Variants in THSD7B observed in about 807,000 individuals in gnomAD.
THSD7B encodes thrombospondin type 1 domain containing 7B, also known as thrombospondin type-1 domain-containing protein 7B.
THSD7B carries 138 observed loss-of-function variants against 213.6 expected under a neutral mutation model. The ratio of observed to expected loss-of-function variants is 0.65; its 90% CI spans 0.56 to 0.74. The LOEUF is 0.74. Among genes scored for constraint, THSD7B ranks in the 30% least tolerant of loss-of-function variants. THSD7B has a pLI of 0.00. For missense variants in THSD7B, 1,931 were observed against 1,991.5 expected (o/e 0.97, Z 0.58); for synonymous variants, 742 against 687.0 (o/e 1.08, Z -1.25).
Position 137,487,819 on chromosome 2 carries a change from A to C in THSD7B, c.3138+36796A>C, listed in dbSNP as rs1688500252. Among the ~76,000 whole-genome samples the C allele has an allele frequency of 5.2e-5, 2 of 38,560 alleles. 1 individual carries two copies. The highest frequency in any genetic ancestry group is 1.1e-4 in the Non-Finnish European group (2 of 17,470). The allele number at this position is 38,560 out of a possible 152,430, so 25.3% of individuals were successfully genotyped here. A position where few individuals can be genotyped will look rare whatever the true frequency, so the allele number is the denominator to read the frequency against. ...CGCTCTGTCGCCCAGGCTGGAGTGC[A>C]GTGGCGGGATCTCGGCTCACTGCAA... On this transcript the variant is annotated intron_variant, in intron 15 of 27. Transcript: ENST00000409968.
chr2:136,848,872 T>C (rs1683051379), intron 1 of THSD7B, among the ~76,000 whole-genome samples: 1 of 148,222 alleles, frequency 6.7e-6, no homozygotes, highest in African/African-American at 2.5e-5. Context: ...CCTCTTTTAC[T>C]CCCTTCTCTC....
chr2:137,465,956 T>C lies in THSD7B; in HGVS notation c.3138+14933T>C, dbSNP rs565111677. Among the ~76,000 whole-genome samples, 37 of 152,228 alleles carry C rather than the reference T, an allele frequency of 2.4e-4. No individual in the cohort carries two copies. The South Asian group carries it at 4.4e-3, about 18-fold the overall frequency. On this transcript the variant is annotated intron_variant, in intron 15 of 27. Transcript: ENST00000409968. ...TCTGAATATGTGGAAAAATAAAATA[T>C]AAGGTATTTCATGTTCCCATGGTTT...
rs375931617 is a variant in THSD7B, at chr2:137,233,037, C to A, written c.2054C>A (p.Thr685Asn). The part of the protein sequence containing the change: ...EDTLVTALNA[T>N]IGWNGEATCG... ...ACATTGGTAACTGCCCTTAATGCAA[C>A]CATTGGCTGGAATGGAGAAGCCACG... The change falls in exon 9 of 28, where the codon ACC (threonine) becomes AAC (asparagine). Residue 685 changes from threonine to asparagine, a missense_variant. By Grantham distance (65) the Thr-to-Asn change is moderately conservative. Transcript: ENST00000409968. The A allele has an allele frequency of 6.2e-7, 1 of 1,613,776 alleles. No individual in the cohort carries two copies. The highest frequency in any genetic ancestry group is 8.5e-7 in the Non-Finnish European group (1 of 1,179,836).
chr2:137,179,348 G>A (rs1680412512), intron 7 of THSD7B, among the ~76,000 whole-genome samples: 1 of 152,036 alleles, frequency 6.6e-6, no homozygotes, highest in African/African-American at 2.4e-5. Flanking sequence ...TTTTAAAGTG[G>A]TATTTTGCTG....
intron 12 of THSD7B, among the ~76,000 whole-genome samples, chr2:137,377,512 T>G (rs113513005): frequency 2.6e-5 from 4 of 152,216 alleles, no homozygotes; most frequent in African/African-American, 9.6e-5. Flanking sequence ...AAGCTGCATC[T>G]AATTGACATT....
chr2:136,775,440 G>A (rs900528095), intron 1 of THSD7B, among the ~76,000 whole-genome samples: 4 of 152,102 alleles, frequency 2.6e-5, no homozygotes, highest in Non-Finnish European at 5.9e-5. Flanking sequence ...GTTTTCATCT[G>A]AAAGGAGTAA....
At chr2:137,049,796 A>G (rs1460661345) in intron 2 of THSD7B, among the ~76,000 whole-genome samples, 2 of 152,204 alleles carry the variant, frequency 1.3e-5, no homozygotes, top group African/African-American at 4.8e-5. Flanking sequence ...CAGAATTAAC[A>G]AGTGGAAATT....
chr2:136,775,704 T>C (rs1418349381), intron 1 of THSD7B, among the ~76,000 whole-genome samples: 8 of 152,034 alleles, frequency 5.3e-5, no homozygotes, highest in Non-Finnish European at 8.8e-5. Context: ...AGGAGGACCA[T>C]TTAATATTTG....
chr2:137,504,789 A>G (rs966340316), intron 15 of THSD7B, among the ~76,000 whole-genome samples: 2 of 152,186 alleles, frequency 1.3e-5, no homozygotes, highest in Admixed American at 6.5e-5. Flanking sequence ...CAGATCAGGA[A>G]AGCTGCCAAG....
intron 15 of THSD7B, among the ~76,000 whole-genome samples, chr2:137,558,855 C>G (rs531737477): frequency 6.6e-6 from 1 of 152,300 alleles, no homozygotes; most frequent in South Asian, 2.1e-4. Context: ...TGATAAGCAA[C>G]TCCAGCAAAG....
At chr2:137,141,877 A>G (rs976968719) in intron 5 of THSD7B, among the ~76,000 whole-genome samples, 1 of 152,040 alleles carries the variant, frequency 6.6e-6, no homozygotes, top group African/African-American at 2.4e-5. Flanking sequence ...TTTTGCTATC[A>G]CCCTTGTCTC....
chr2:136,840,373 C>G (rs920684917), intron 1 of THSD7B, among the ~76,000 whole-genome samples: 40 of 152,174 alleles, frequency 2.6e-4, no homozygotes, highest in African/African-American at 8.9e-4. Flanking sequence ...GAGCAAAACT[C>G]TGTCTCAAAA....
Position 137,546,465 on chromosome 2 carries a change from TA to T in THSD7B, c.3139-16755del, listed in dbSNP as rs1558834516. ...TATATTATATATATATTATATATAA[TA>T]TATATATATATAATATATATATATA... On this transcript the variant is annotated intron_variant, in intron 15 of 27. Coordinates refer to ENST00000409968, the MANE Select transcript of THSD7B (RefSeq NM_001316349.2). Among the ~76,000 whole-genome samples, 26 of 19,336 alleles carry T rather than the reference TA, an allele frequency of 1.3e-3. 5 individuals carry two copies. Among genetic ancestry groups the T allele is most frequent in the African/African-American group, 0.01 (26 of 2,488 alleles). 12.7% of individuals were successfully genotyped at this position (19,336 alleles called of 152,430 possible).
rs188331550 is a variant in THSD7B, at chr2:137,009,520, A to G, written c.140-46900A>G. On this transcript the variant is annotated intron_variant, in intron 2 of 27. Transcript: ENST00000409968. ...ACATACCCAAGACTGGGTAATTTATAAAGAAATAGAGGTTTAATGGACTTA... is the reference window on the plus strand; with the variant it reads ...ACATACCCAAGACTGGGTAATTTATGAAGAAATAGAGGTTTAATGGACTTA... 1.4e-3 allele frequency among the ~76,000 whole-genome samples: 217 copies of G among 152,264 alleles called. 3 individuals are homozygous for G. Among genetic ancestry groups the G allele is most frequent in the Admixed American group, 5.6e-3 (85 of 15,288 alleles).
intron 1 of THSD7B, among the ~76,000 whole-genome samples, chr2:136,843,366 T>C (rs1348058698): frequency 1.3e-5 from 2 of 152,236 alleles, no homozygotes; most frequent in African/African-American, 4.8e-5. Flanking sequence ...TATATTAACA[T>C]GCTTATCCCT....
chr2:136,917,823 C>T (rs527967933), intron 2 of THSD7B, among the ~76,000 whole-genome samples: 2 of 152,286 alleles, frequency 1.3e-5, no homozygotes, highest in South Asian at 4.1e-4. Context: ...CATAAAAATT[C>T]AAATGCGCCT....
chr2:137,387,449 A>G (rs1047959477), intron 12 of THSD7B, among the ~76,000 whole-genome samples: 2 of 152,340 alleles, frequency 1.3e-5, no homozygotes, highest in South Asian at 4.1e-4. Context: ...ACCTAGGAGT[A>G]CAATTTTCCT....
chr2:137,652,808 A>G (rs369372176), intron 21 of THSD7B, among the ~76,000 whole-genome samples: 2 of 152,146 alleles, frequency 1.3e-5, no homozygotes, highest in African/African-American at 4.8e-5. Context: ...TTAGATTGCA[A>G]AGAAAATAAT....
At chr2:136,799,378 C>T (rs1375750970) in intron 1 of THSD7B, among the ~76,000 whole-genome samples, 1 of 151,800 alleles carries the variant, frequency 6.6e-6, no homozygotes, top group East Asian at 1.9e-4. Context: ...TGATTAGAGC[C>T]TATATATTTT....
Sources: gnomAD v4.1 joint callset for allele counts (sites outside exome capture counted in the v4.1 genomes callset) on GRCh38, gnomAD v4.1.1 for gene constraint, MANE v1.5 for transcripts, NCBI Gene and HGNC (gene_info 2026-07-23, HGNC 2026-07-21) for gene names.